SNAP91: variants seen among roughly 807,000 people sequenced by gnomAD.
The protein encoded by SNAP91 is synaptosome associated protein 91.
Under a neutral mutation model 100.3 loss-of-function variants are expected in SNAP91, and 27 were observed. The ratio of observed to expected loss-of-function variants is 0.27; its 90% confidence interval spans 0.20 to 0.37. The LOEUF (loss-of-function observed/expected upper bound fraction) is 0.37, where lower values mean the gene tolerates loss of function less well. Among genes scored for constraint, SNAP91 ranks in the 10% least tolerant of loss-of-function variants. The pLI is 1.00. For missense variants in SNAP91, 986 were observed against 1,123.7 expected (o/e 0.88, Z 1.75); for synonymous variants, 404 against 398.6 (o/e 1.01, Z -0.16).
At chr6:83,585,894 A>T (rs1332051176) in intron 22 of SNAP91, among the ~76,000 whole-genome samples, 1 of 142,682 alleles carries the variant, frequency 7.0e-6, no homozygotes. Flanking sequence ...CTCTGTCACC[A>T]GGCTGGAGTG....
At chr6:83,616,652 TA>T (rs1232384168) in intron 10 of SNAP91, among the ~76,000 whole-genome samples, 1 of 152,166 alleles carries the variant, frequency 6.6e-6, no homozygotes, top group African/African-American at 2.4e-5. Context: ...TGTCCAATGA[TA>T]ACAGCTTTGA....
chr6:83,706,049 T>C (rs1046410934), intron 2 of SNAP91, among the ~76,000 whole-genome samples: 1 of 152,130 alleles, frequency 6.6e-6, no homozygotes, highest in African/African-American at 2.4e-5. Flanking sequence ...CCTCCTACCT[T>C]CAAATTTTCA....
At chr6:83,643,981 G>A (rs958455523) in intron 7 of SNAP91, among the ~76,000 whole-genome samples, 1 of 152,100 alleles carries the variant, frequency 6.6e-6, no homozygotes, top group South Asian at 2.1e-4. Flanking sequence ...GTCTTTTCTT[G>A]TTAAGAAATT....
chr6:83,572,558 T>A (rs116662777), intron 26 of SNAP91, among the ~76,000 whole-genome samples: 3,388 of 152,164 alleles, frequency 0.022, 106 homozygotes, highest in African/African-American at 0.074. Context: ...AGCCAACTTT[T>A]TTTTTCCTTT....
At chr6:83,624,200 A>C (rs892908390) in intron 8 of SNAP91, among the ~76,000 whole-genome samples, 4 of 152,156 alleles carry the variant, frequency 2.6e-5, no homozygotes, top group Non-Finnish European at 5.9e-5. Flanking sequence ...GAGGAAAAGC[A>C]AATATGAAAA....
intron 11 of SNAP91, among the ~76,000 whole-genome samples, chr6:83,614,324 T>C (rs1284379641): frequency 6.6e-6 from 1 of 152,122 alleles, no homozygotes; most frequent in South Asian, 2.1e-4. Context: ...TCACAGAGTA[T>C]TGCATAAAAT....
intron 7 of SNAP91, among the ~76,000 whole-genome samples, chr6:83,649,390 A>G (rs1443858201): frequency 1.3e-5 from 2 of 152,164 alleles, no homozygotes; most frequent in Non-Finnish European, 2.9e-5. Flanking sequence ...GAGTGTCCTC[A>G]CAACTTTACT....
At chr6:83,637,496 G>A (rs1397474095) in intron 8 of SNAP91, among the ~76,000 whole-genome samples, 3 of 152,212 alleles carry the variant, frequency 2.0e-5, no homozygotes, top group African/African-American at 7.2e-5. Flanking sequence ...CAGCCTGGCA[G>A]ACAGCTGTGG....
intron 12 of SNAP91, among the ~76,000 whole-genome samples, chr6:83,609,545 T>C (rs1008082016): frequency 1.8e-4 from 28 of 152,176 alleles, no homozygotes; most frequent in African/African-American, 6.5e-4. Context: ...TCCTTGAATA[T>C]CTGTAATGAC....
At chr6:83,617,702 C>T (rs2128364776) in intron 9 of SNAP91, among the ~76,000 whole-genome samples, 1 of 151,724 alleles carries the variant, frequency 6.6e-6, no homozygotes, top group East Asian at 1.9e-4. Flanking sequence ...TTAAGAAATA[C>T]TTGAATGTTT....
intron 8 of SNAP91, among the ~76,000 whole-genome samples, 173 bp from the exon 9 acceptor site, chr6:83,623,515 T>C (rs1024991047): frequency 6.6e-6 from 1 of 152,122 alleles, no homozygotes; most frequent in South Asian, 2.1e-4. Context: ...TCACTCAATA[T>C]AATAGAGCAG....
rs147951663 is a variant in SNAP91 at position 83,596,377 on chromosome 6, G to T, written c.1325-1896C>A. Among the ~76,000 whole-genome samples, 1,297 of 152,192 alleles carry T rather than the reference G, an allele frequency of 8.5e-3. 15 individuals carry two copies. The highest frequency in any genetic ancestry group is 0.029 in the African/African-American group (1,215 of 41,516). The stretch of plus-strand genomic sequence containing the variant: ...AGAGCAACACACCCTCTACAAGCAG[G>T]GCAGAAGAATGTAAGAGAAGTATGA... On this transcript the variant is annotated intron_variant, in intron 16 of 29. Transcript: ENST00000369694.
At chr6:83,590,493 A>G (rs996273171) in intron 22 of SNAP91, among the ~76,000 whole-genome samples, 3 of 151,702 alleles carry the variant, frequency 2.0e-5, no homozygotes, top group Non-Finnish European at 4.4e-5. Flanking sequence ...TCACACTATG[A>G]CCCTGTTGAG....
chr6:83,654,360 G>C (rs1474175258), intron 7 of SNAP91, among the ~76,000 whole-genome samples: 1 of 152,116 alleles, frequency 6.6e-6, no homozygotes, highest in Non-Finnish European at 1.5e-5. Flanking sequence ...TTTTCAGTCT[G>C]TTCAGCTTTG....
intron 5 of SNAP91, among the ~76,000 whole-genome samples, chr6:83,660,152 C>A (rs1054675698): frequency 3.3e-5 from 5 of 152,170 alleles, no homozygotes; most frequent in Admixed American, 3.3e-4. Context: ...TGTGTTCATA[C>A]AGGGGTGCAG....
intron 8 of SNAP91, among the ~76,000 whole-genome samples, chr6:83,629,872 G>A (rs1027003304): frequency 3.9e-5 from 6 of 151,968 alleles, no homozygotes; most frequent in African/African-American, 1.4e-4. Context: ...CTCTGGCTAG[G>A]ACTTCCGGTA....
intron 14 of SNAP91, among the ~76,000 whole-genome samples, chr6:83,604,066 A>C (rs1194073791): frequency 1.3e-5 from 2 of 152,172 alleles, no homozygotes; most frequent in Non-Finnish European, 2.9e-5. Flanking sequence ...GCATTCTTTT[A>C]GTGCCAAAAT....
chr6:83,662,366 C>A lies in SNAP91; in HGVS notation c.330G>T (p.Leu110Phe). The A allele has an allele frequency of 1.4e-6, 2 of 1,433,222 alleles. No individual in the cohort carries two copies. Among genetic ancestry groups the A allele is most frequent in the Admixed American group, 2.4e-5 (1 of 40,890 alleles). 88.8% of individuals were successfully genotyped at this position (1,433,222 alleles called of 1,614,324 possible). A position where few individuals can be genotyped will look rare whatever the true frequency, so the allele number is the denominator to read the frequency against. Residue 110 changes from leucine to phenylalanine, a missense_variant, in exon 4 of 30, where the codon TTG becomes TTT. By Grantham distance (22) the Leu-to-Phe change is conservative (BLOSUM62 0). Around this residue, in one of 4 missense-constraint regions of SNAP91, gnomAD observed 330 missense variants for 447.5 expected, o/e 0.74. Transcript: ENST00000369694. ...TCTCACCATGGGATCCACTTTTGTCCAAAAAATTGCTGAGATTGAATAGTG... is the reference window on the plus strand; with the variant it reads ...TCTCACCATGGGATCCACTTTTGTCAAAAAAATTGCTGAGATTGAATAGTG... Reference protein sequence around the residue: ...RNTLFNLSNFLDKSGSHGYDM... With the variant: ...RNTLFNLSNFFDKSGSHGYDM...
intron 28 of SNAP91, among the ~76,000 whole-genome samples, chr6:83,559,776 G>A (rs140859769): frequency 2.0e-5 from 3 of 152,270 alleles, no homozygotes; most frequent in Non-Finnish European, 2.9e-5. Flanking sequence ...TCTGGCTAAC[G>A]CTGGGAACAC....
Sources: allele counts gnomAD v4.1 joint callset (sites outside exome capture counted in the v4.1 genomes callset), GRCh38; gene constraint gnomAD v4.1.1; regional missense constraint gnomAD v4.1.1; transcripts MANE v1.5; gene names NCBI Gene and HGNC (gene_info 2026-07-23, HGNC 2026-07-21).